Variants in LRBA observed in about 807,000 individuals in gnomAD.
LRBA encodes the protein lipopolysaccharide-responsive and beige-like anchor protein.
Under a neutral mutation model 330.0 loss-of-function variants are expected in LRBA, and 176 were observed. The ratio of observed to expected loss-of-function variants is 0.53; its 90% CI spans 0.47 to 0.60. LRBA has a LOEUF of 0.60. Ranked by LOEUF, LRBA falls within the 20% of genes least tolerant of loss-of-function variation. LRBA has a pLI of 0.00. For missense variants in LRBA, 3,259 were observed against 3,444.8 expected, an observed-to-expected ratio of 0.95 and a Z score of 1.35; for synonymous variants, 1,230 against 1,193.0, an observed-to-expected ratio of 1.03 and a Z score of -0.64.
intron 37 of LRBA, among the ~76,000 whole-genome samples, chr4:150,650,146 G>A (rs1479971464): frequency 2.6e-5 from 4 of 152,130 alleles, no homozygotes; most frequent in African/African-American, 9.7e-5. Flanking sequence ...GCAAAGCCAG[G>A]ATACACATAA....
intron 36 of LRBA, among the ~76,000 whole-genome samples, chr4:150,729,474 A>AGC (rs1730149462): frequency 2.0e-5 from 3 of 152,212 alleles, no homozygotes. Context: ...AAAACTATAA[A>AGC]TCACTGATAA....
intron 47 of LRBA, among the ~76,000 whole-genome samples, chr4:150,354,474 A>T (rs1018476732): frequency 4.6e-5 from 7 of 152,040 alleles, no homozygotes; most frequent in Non-Finnish European, 1.0e-4. Context: ...AGCAGGCTGC[A>T]TACATCACTT....
intron 36 of LRBA, among the ~76,000 whole-genome samples, chr4:150,692,454 A>G (rs1470741432): frequency 6.6e-6 from 1 of 152,124 alleles, no homozygotes; most frequent in African/African-American, 2.4e-5. Context: ...TCCTGAGCGC[A>G]AGCAATCCAC....
intron 2 of LRBA, among the ~76,000 whole-genome samples, chr4:150,937,805 T>C (rs1735241620): frequency 1.3e-5 from 2 of 152,166 alleles, no homozygotes; most frequent in African/African-American, 4.8e-5. Context: ...TAATTGAGCA[T>C]GATTATTTTT....
intron 32 of LRBA, among the ~76,000 whole-genome samples, chr4:150,807,077 T>A (rs972318333): frequency 6.6e-6 from 1 of 151,144 alleles, no homozygotes; most frequent in African/African-American, 2.4e-5. Flanking sequence ...TATTCATGTA[T>A]ACATACACAG....
chr4:150,982,036 A>G (rs1446753641), intron 2 of LRBA, among the ~76,000 whole-genome samples: 1 of 152,152 alleles, frequency 6.6e-6, no homozygotes, highest in Non-Finnish European at 1.5e-5. Context: ...TTGTACAAAA[A>G]ATGATGCATC....
chr4:150,954,310 T>G (rs1579309550), intron 2 of LRBA, among the ~76,000 whole-genome samples: 1 of 151,776 alleles, frequency 6.6e-6, no homozygotes, highest in East Asian at 1.9e-4. Context: ...ACGATGGCGG[T>G]TTTGTCAAAT....
At chr4:150,398,059 A>G (rs1379978583) in intron 47 of LRBA, among the ~76,000 whole-genome samples, 1 of 152,228 alleles carries the variant, frequency 6.6e-6, no homozygotes, top group Admixed American at 6.5e-5. Context: ...CTTCTCTAGC[A>G]CAGAAAAAAA....
intron 35 of LRBA, among the ~76,000 whole-genome samples, chr4:150,758,468 A>G (rs966138441): frequency 3.3e-5 from 5 of 152,082 alleles, no homozygotes; most frequent in Admixed American, 3.3e-4. Flanking sequence ...AAATAGGTTC[A>G]TAATCCTACC....
intron 48 of LRBA, among the ~76,000 whole-genome samples, chr4:150,349,726 T>C (rs191336000): frequency 1.3e-5 from 2 of 152,172 alleles, no homozygotes; most frequent in Non-Finnish European, 2.9e-5. Context: ...CCCAAAGTTA[T>C]ATAAAATTAT....
chr4:150,894,838 T>A (rs1729887282), intron 16 of LRBA, among the ~76,000 whole-genome samples: 1 of 152,210 alleles, frequency 6.6e-6, no homozygotes, highest in Non-Finnish European at 1.5e-5. Flanking sequence ...TATAGATCAC[T>A]ATGAAATTCA....
intron 2 of LRBA, among the ~76,000 whole-genome samples, chr4:150,949,416 A>G (rs1285227093): frequency 6.6e-6 from 1 of 152,046 alleles, no homozygotes; most frequent in African/African-American, 2.4e-5. Flanking sequence ...AGGGGTTAAG[A>G]TGGGGTAGAG....
At chr4:150,986,295 C>T (rs998796990) in intron 2 of LRBA, among the ~76,000 whole-genome samples, 1 of 152,078 alleles carries the variant, frequency 6.6e-6, no homozygotes, top group East Asian at 1.9e-4. Context: ...GGGAGATGAA[C>T]GGCAGGCAAG....
chr4:150,827,460 CT>C (rs1452414077), intron 30 of LRBA, among the ~76,000 whole-genome samples: 6 of 152,140 alleles, frequency 3.9e-5, no homozygotes, highest in African/African-American at 9.7e-5. Flanking sequence ...TCAACTGCCC[CT>C]GAGATACTAA....
At chr4:150,400,665 G>A (rs1470272323) in intron 47 of LRBA, among the ~76,000 whole-genome samples, 1 of 152,056 alleles carries the variant, frequency 6.6e-6, no homozygotes, top group African/African-American at 2.4e-5. Context: ...ACCAGCCTGA[G>A]CAAACATTAG....
At chr4:150,480,889 C>T (rs1407375790) in intron 42 of LRBA, among the ~76,000 whole-genome samples, 3 of 152,136 alleles carry the variant, frequency 2.0e-5, no homozygotes, top group Non-Finnish European at 2.9e-5. Flanking sequence ...TTACTGCTAA[C>T]TCTAGTCATC....
At chr4:150,562,567 A>T (rs979986770) in intron 40 of LRBA, among the ~76,000 whole-genome samples, 14 of 152,210 alleles carry the variant, frequency 9.2e-5, no homozygotes, top group Non-Finnish European at 7.3e-5. Flanking sequence ...ACCTCCTGGT[A>T]TGCAAATTAT....
At chr4:150,910,750 C>T (rs1378328779) in intron 9 of LRBA, among the ~76,000 whole-genome samples, 4 of 150,936 alleles carry the variant, frequency 2.7e-5, no homozygotes, top group Non-Finnish European at 4.4e-5. Context: ...CTGTAGATTG[C>T]TTTAGGTAGT....
intron 34 of LRBA, among the ~76,000 whole-genome samples, chr4:150,770,423 C>T (rs10034695): frequency 0.87 from 132,571 of 152,066 alleles, 58,371 homozygotes; most frequent in Non-Finnish European, 0.95. Flanking sequence ...TAATATCCCA[C>T]AATTTACATA....
Sources: gnomAD v4.1 joint callset for allele counts (sites outside exome capture counted in the v4.1 genomes callset) on GRCh38, gnomAD v4.1.1 for gene constraint, MANE v1.5 for transcripts, NCBI Gene and HGNC (gene_info 2026-07-23, HGNC 2026-07-21) for gene names.